DYNC2H1: variants seen among roughly 807,000 people sequenced by gnomAD.
DYNC2H1 encodes the protein dynein cytoplasmic 2 heavy chain 1.
DYNC2H1 carries 410 observed loss-of-function variants against 570.0 expected under a neutral mutation model. The observed-to-expected ratio is 0.72, with a 90% CI of 0.66 to 0.78. DYNC2H1 has a LOEUF of 0.78. Ranked by LOEUF, DYNC2H1 falls within the 30% of genes least tolerant of loss-of-function variation. The probability of loss-of-function intolerance (pLI) is 0.00; values close to 1 mark genes in which losing one functional copy is unlikely to be tolerated. For synonymous variants in DYNC2H1, 1,688 were observed against 1,677.6 expected (o/e 1.01, Z -0.15); for missense variants, 4,865 against 5,046.4 (o/e 0.96, Z 1.09).
At chr11:103,381,937 A>T (rs1941666185) in intron 83 of DYNC2H1, among the ~76,000 whole-genome samples, 1 of 152,040 alleles carries the variant, frequency 6.6e-6, no homozygotes, top group Non-Finnish European at 1.5e-5. Flanking sequence ...TTTTTGTGTA[A>T]TTTTTCCTGG....
intron 73 of DYNC2H1, among the ~76,000 whole-genome samples, chr11:103,283,426 C>G (rs1866222925): frequency 6.6e-6 from 1 of 152,104 alleles, no homozygotes; most frequent in South Asian, 2.1e-4. Context: ...TTCAACTACT[C>G]AGGCTAAAAT....
chr11:103,115,378 T>A, intron 4 of DYNC2H1, 83 bp downstream of exon 4: 1 of 816,566 alleles, frequency 1.2e-6, no homozygotes, highest in Non-Finnish European at 1.9e-6. Context: ...TCTTCTGTTT[T>A]AAAATGTACT....
chr11:103,238,238 A>G (rs2135207395), intron 63 of DYNC2H1, among the ~76,000 whole-genome samples: 1 of 152,258 alleles, frequency 6.6e-6, no homozygotes, highest in East Asian at 1.9e-4. Context: ...GATAAATAAT[A>G]TGCATTTGTG....
intron 84 of DYNC2H1, among the ~76,000 whole-genome samples, chr11:103,429,043 T>G (rs1459995237): frequency 2.0e-5 from 2 of 102,078 alleles, no homozygotes; most frequent in African/African-American, 9.4e-5. Context: ...GGCAGATCAC[T>G]TGAGCCTAGG....
In DYNC2H1 at chr11:103,153,400, A is replaced by G. The variant is rs1015404794; in HGVS notation, c.3194A>G (p.Asp1065Gly). The change falls in exon 22 of 89, where the codon GAT becomes GGT. Residue 1065 changes from aspartate (D) to glycine (G), a missense_variant. Physicochemically the swap from Asp to Gly is moderately conservative, Grantham distance 94. Around this residue, in one of 5 missense-constraint regions of DYNC2H1, gnomAD observed 1,936 missense variants for 1,962.1 expected, o/e 0.99. Transcript: ENST00000375735. ...CGTTGGGACCAACTAAAGCCTGGTG[A>G]TGATGTTATTGAAACTGGCCAACAT... ...KARWDQLKPG[D>G]DVIETGQHNT... The G allele has an allele frequency of 4.5e-6, 7 of 1,558,280 alleles. No individual in the cohort carries two copies. Among genetic ancestry groups the G allele is most frequent in the Middle Eastern group, 3.3e-4 (2 of 6,006 alleles).
At chr11:103,323,449 A>G (rs1435762727) in intron 81 of DYNC2H1, among the ~76,000 whole-genome samples, 2 of 148,326 alleles carry the variant, frequency 1.3e-5, no homozygotes. Context: ...AAAGAAACAA[A>G]AGTAGATTGC....
rs1232191852 is a variant in DYNC2H1, at chr11:103,138,938, T to G, written c.2574+2990T>G. On this transcript the variant is annotated intron_variant, in intron 17 of 88. Coordinates refer to ENST00000375735, the MANE Select transcript of DYNC2H1 (RefSeq NM_001377.3). ...GATTCAACTTCTTCCTGGTTTAGTCTTGGGAGGGTGTATGTGTCGAGGAAT... is the reference window on the plus strand; with the variant it reads ...GATTCAACTTCTTCCTGGTTTAGTCGTGGGAGGGTGTATGTGTCGAGGAAT... Among the ~76,000 whole-genome samples, 4 of 151,958 alleles carry G rather than the reference T, an allele frequency of 2.6e-5. No homozygotes were observed. The East Asian group carries it at 7.7e-4, about 29-fold the overall frequency.
chr11:103,445,128 C>T (rs931099140), intron 85 of DYNC2H1, among the ~76,000 whole-genome samples: 80 of 152,248 alleles, frequency 5.3e-4, no homozygotes, highest in African/African-American at 1.9e-3. Flanking sequence ...TAAATAATGC[C>T]TGTAAAATTC....
At chr11:103,450,605 C>T (rs190614037) in intron 85 of DYNC2H1, among the ~76,000 whole-genome samples, 66 of 151,978 alleles carry the variant, frequency 4.3e-4, no homozygotes, top group African/African-American at 1.5e-3. Flanking sequence ...AAGAAGATAT[C>T]AAAAATAAAG....
intron 84 of DYNC2H1, chr11:103,406,772 T>C (rs921850081): frequency 6.6e-6 from 1 of 151,604 alleles, no homozygotes; most frequent in African/African-American, 2.4e-5. Flanking sequence ...CCATAATGGA[T>C]AAAATTGTGA....
chr11:103,198,216 G>A (rs1050264027), intron 48 of DYNC2H1, among the ~76,000 whole-genome samples, 153 bp downstream of exon 48: 1 of 152,228 alleles, frequency 6.6e-6, no homozygotes, highest in Non-Finnish European at 1.5e-5. Flanking sequence ...TGTGGCGGAT[G>A]TAACGAGATG....
intron 75 of DYNC2H1, among the ~76,000 whole-genome samples, chr11:103,295,187 A>C (rs1866768039): frequency 6.6e-6 from 1 of 152,220 alleles, no homozygotes; most frequent in Non-Finnish European, 1.5e-5. Context: ...GCTAGTGGTG[A>C]AGATGACTGG....
chr11:103,476,731 G>GT (rs1230246287), intron 88 of DYNC2H1, among the ~76,000 whole-genome samples: 1 of 152,144 alleles, frequency 6.6e-6, no homozygotes, highest in Non-Finnish European at 1.5e-5. Context: ...AGTTGTTGGT[G>GT]TGTGGGTATG....
intron 29 of DYNC2H1, among the ~76,000 whole-genome samples, chr11:103,162,319 G>A (rs1861130627): frequency 6.6e-6 from 1 of 152,060 alleles, no homozygotes; most frequent in East Asian, 1.9e-4. Context: ...AGTTATTTAA[G>A]TACGCAATGA....
At chr11:103,188,406 A>T in intron 43 of DYNC2H1, 91 bp from the exon 44 acceptor site, 1 of 966,084 alleles carries the variant, frequency 1.0e-6, no homozygotes, top group Non-Finnish European at 1.5e-6. Context: ...GATTGCATTT[A>T]GAAATAATTG....
At position 103,454,791 on chromosome 11, in the gene DYNC2H1, A is replaced by G. The variant is rs78646745; in HGVS notation, c.12457-395A>G. ...ACTGTTGTAAGATGGCATATTCACCATCAAATCTGGAACTGGAACCCTTAT... is the reference window on the plus strand; with the variant it reads ...ACTGTTGTAAGATGGCATATTCACCGTCAAATCTGGAACTGGAACCCTTAT... On this transcript the variant is annotated intron_variant, in intron 85 of 88. Transcript: ENST00000375735. Among the ~76,000 whole-genome samples the G allele has an allele frequency of 3.5e-3, 535 of 152,280 alleles. 3 individuals carry two copies. The highest frequency in any genetic ancestry group is 0.012 in the African/African-American group (510 of 41,572).
Position 103,305,788 on chromosome 11 carries a change from A to G in DYNC2H1, c.11382+1068A>G, listed in dbSNP as rs913377918. 5.3e-5 allele frequency among the ~76,000 whole-genome samples: 8 copies of G among 152,214 alleles called. No individual in the cohort carries two copies. The highest frequency in any genetic ancestry group is 2.0e-4 in the Admixed American group (3 of 15,288). On this transcript the variant is annotated intron_variant, in intron 77 of 88. Coordinates refer to ENST00000375735, the MANE Select transcript of DYNC2H1 (RefSeq NM_001377.3). This position sits in a 1 kb window ranked among gnomAD's most constrained non-coding sequence, Gnocchi z 4.3. The stretch of plus-strand genomic sequence containing the variant: ...GGACCATGGTGATTCGTGATTCATT[A>G]CTTGTAATCAAGAGAAGATACAGAT...
chr11:103,419,759 G>C (rs1405654458), intron 84 of DYNC2H1, among the ~76,000 whole-genome samples: 1 of 152,150 alleles, frequency 6.6e-6, no homozygotes, highest in East Asian at 1.9e-4. Context: ...TCTACTGCAA[G>C]GGCACAGAAC....
At chr11:103,184,346 G>A (rs987606404) in intron 40 of DYNC2H1, among the ~76,000 whole-genome samples, 1 of 151,924 alleles carries the variant, frequency 6.6e-6, no homozygotes, top group Non-Finnish European at 1.5e-5. Flanking sequence ...TTTATAGAAA[G>A]ACTGAGAGCC....
Sources: allele counts gnomAD v4.1 joint callset (sites outside exome capture counted in the v4.1 genomes callset), GRCh38; gene constraint gnomAD v4.1.1; regional missense constraint gnomAD v4.1.1; non-coding constraint Gnocchi (gnomAD v3.1); transcripts MANE v1.5; gene names NCBI Gene and HGNC (gene_info 2026-07-23, HGNC 2026-07-21).